TNS1: variants seen among roughly 807,000 people sequenced by gnomAD.
TNS1 encodes the protein tensin-1.
In TNS1, 62 loss-of-function variants were observed where a neutral mutation model predicts 168.6. The ratio of observed to expected loss-of-function variants is 0.37; its 90% CI spans 0.30 to 0.45. The LOEUF is 0.45. Among genes scored for constraint, TNS1 ranks in the 20% least tolerant of loss-of-function variants. The pLI is 1.00. For synonymous variants in TNS1, 934 were observed against 933.2 expected (o/e 1.00, Z -0.02); for missense variants, 2,240 against 2,339.4 (o/e 0.96, Z 0.88).
At chr2:217,955,213 C>A (rs560245242) in intron 3 of TNS1, among the ~76,000 whole-genome samples, 2 of 152,204 alleles carry the variant, frequency 1.3e-5, no homozygotes, top group Non-Finnish European at 1.5e-5. Context: ...CCCGTGGGTT[C>A]CACGCCCGCA....
chr2:217,886,675 G>C, intron 12 of TNS1, 29 bp from the exon 13 acceptor site: 1 of 1,499,484 alleles, frequency 6.7e-7, no homozygotes, highest in Non-Finnish European at 9.1e-7. Context: ...CAGCTTCAGG[G>C]AGTGAGGTGG....
upstream of TNS1, among the ~76,000 whole-genome samples, chr2:218,012,417 G>T (rs1958714237): frequency 1.3e-5 from 2 of 152,168 alleles, no homozygotes; most frequent in African/African-American, 4.8e-5. Context: ...CTGGTAGAAA[G>T]GGAAGGAAGT....
intron 19 of TNS1, among the ~76,000 whole-genome samples, chr2:217,845,747 C>T (rs899361830): frequency 6.6e-6 from 1 of 152,196 alleles, no homozygotes; most frequent in Admixed American, 6.5e-5. Flanking sequence ...GGCTAAAAGG[C>T]AGTCCACTAC....
chr2:217,872,502 T>C lies in TNS1; in HGVS notation c.1429+8396A>G, dbSNP rs149103270. ...AGGAAAATGCAAATTGAAACCACAA[T>C]GCAATACCCTTTCACACCCACTAGG... On this transcript the variant is annotated intron_variant, in intron 18 of 32. Transcript: ENST00000682258. Among the ~76,000 whole-genome samples, 396 of 152,322 alleles carry C rather than the reference T, an allele frequency of 2.6e-3. 3 individuals are homozygous for C. The highest frequency in any genetic ancestry group is 9.1e-3 in the African/African-American group (378 of 41,572).
chr2:217,847,151 T>G (rs1946760769), intron 19 of TNS1, among the ~76,000 whole-genome samples: 1 of 152,216 alleles, frequency 6.6e-6, no homozygotes, highest in Non-Finnish European at 1.5e-5. Flanking sequence ...AAGCTTTCCC[T>G]GACTGCCCTA....
chr2:218,005,129 C>T (rs1405118790), upstream of TNS1, among the ~76,000 whole-genome samples: 2 of 152,234 alleles, frequency 1.3e-5, no homozygotes, highest in Non-Finnish European at 2.9e-5. Flanking sequence ...TCCCAGTGCC[C>T]ACTCACACCA....
chr2:218,003,640 T>C (rs1251496989), upstream of TNS1, among the ~76,000 whole-genome samples: 2 of 151,850 alleles, frequency 1.3e-5, no homozygotes, highest in African/African-American at 4.8e-5. Flanking sequence ...TTTTTCCCCC[T>C]TCTTTCTTTC....
At chr2:218,007,047 T>G (rs1465004132), upstream of TNS1, among the ~76,000 whole-genome samples, 1 of 151,934 alleles carries the variant, frequency 6.6e-6, no homozygotes, top group Non-Finnish European at 1.5e-5. Flanking sequence ...CTGCCACCTC[T>G]CACAATGGGG....
At chr2:217,891,812 C>A (rs1454097923) in intron 11 of TNS1, among the ~76,000 whole-genome samples, 1 of 152,184 alleles carries the variant, frequency 6.6e-6, no homozygotes, top group Non-Finnish European at 1.5e-5. Flanking sequence ...TTCCTCTTCT[C>A]TCAGTGTGCA....
In TNS1 at chr2:217,817,869, G is replaced by A; in HGVS notation, c.4463C>T (p.Pro1488Leu). The change falls in exon 24 of 33, where the codon CCA (proline) becomes CTA (leucine). Residue 1488 changes from proline to leucine, a missense_variant. Pro to Leu is a moderately conservative substitution (Grantham distance 98). Coordinates refer to ENST00000682258, the MANE Select transcript of TNS1 (RefSeq NM_001387777.1). ...SAAFRQGSPT[P>L]ALPEKRRMSV... Reference sequence around the variant, plus strand: ...CATCCTTCGCTTCTCTGGCAAGGCTGGTGTTGGGCTCCCTTGCCGGAAGGC... The same window carrying A: ...CATCCTTCGCTTCTCTGGCAAGGCTAGTGTTGGGCTCCCTTGCCGGAAGGC... 6.2e-7 allele frequency: 1 copy of A among 1,614,194 alleles called. No individual in the cohort carries two copies. Among genetic ancestry groups the A allele is most frequent in the Non-Finnish European group, 8.5e-7 (1 of 1,180,016 alleles).
intron 6 of TNS1, 200 bp from the exon 7 acceptor site, chr2:217,900,712 GC>G (rs1952870141): frequency 3.3e-6 from 2 of 613,616 alleles, no homozygotes; most frequent in Non-Finnish European, 5.7e-6. Flanking sequence ...GAGTGTGCCT[GC>G]CTGTGTGCAA....
intron 19 of TNS1, among the ~76,000 whole-genome samples, chr2:217,843,708 C>T (rs1183834869): frequency 2.0e-5 from 3 of 152,114 alleles, no homozygotes; most frequent in South Asian, 2.1e-4. Flanking sequence ...AACCCTTTAC[C>T]ATCTTGACTT....
At chr2:217,805,504 CCACCACACACACCACACA>C (rs1207913865) in intron 32 of TNS1, among the ~76,000 whole-genome samples, 7 of 58,192 alleles carry the variant, frequency 1.2e-4, no homozygotes, top group African/African-American at 5.0e-4. Flanking sequence ...ACCACACACA[CCACCACACACACCACACA>C]CACCACACAC....
At chr2:217,969,141 C>A (rs1575146447) in intron 3 of TNS1, among the ~76,000 whole-genome samples, 1 of 152,082 alleles carries the variant, frequency 6.6e-6, no homozygotes, top group Non-Finnish European at 1.5e-5. Flanking sequence ...GCCAAGACAA[C>A]CTTGAAAAAG....
At chr2:217,955,669 C>A (rs1197950153) in intron 3 of TNS1, among the ~76,000 whole-genome samples, 3 of 152,188 alleles carry the variant, frequency 2.0e-5, no homozygotes, top group Non-Finnish European at 2.9e-5. Flanking sequence ...CACCTTATCT[C>A]ATCATGACTG....
At chr2:217,811,969 C>T (rs1940997099) in intron 28 of TNS1, among the ~76,000 whole-genome samples, 1 of 152,190 alleles carries the variant, frequency 6.6e-6, no homozygotes, top group African/African-American at 2.4e-5. Flanking sequence ...CTCTCCTCTC[C>T]ATCCAGACCA....
At chr2:217,891,519 A>G (rs1339690674) in intron 11 of TNS1, among the ~76,000 whole-genome samples, 2 of 152,198 alleles carry the variant, frequency 1.3e-5, no homozygotes, top group Non-Finnish European at 2.9e-5. Flanking sequence ...CTTATCATTA[A>G]GCAAAGGTGA....
chr2:217,891,983 C>T (rs1559311160), intron 11 of TNS1, among the ~76,000 whole-genome samples: 1 of 152,232 alleles, frequency 6.6e-6, no homozygotes, highest in Non-Finnish European at 1.5e-5. Context: ...TTATCACCTG[C>T]TATTACTAAT....
At chr2:217,928,331 G>A (rs868650212) in intron 3 of TNS1, among the ~76,000 whole-genome samples, 19 of 152,204 alleles carry the variant, frequency 1.2e-4, no homozygotes, top group Non-Finnish European at 2.6e-4. Flanking sequence ...CCACTGCCCC[G>A]GCCCATTTCC....
Sources: allele counts gnomAD v4.1 joint callset (sites outside exome capture counted in the v4.1 genomes callset), GRCh38; gene constraint gnomAD v4.1.1; transcripts MANE v1.5; gene names NCBI Gene and HGNC (gene_info 2026-07-23, HGNC 2026-07-21).